Variants in AEBP2 observed in about 807,000 individuals in gnomAD.
The protein encoded by AEBP2 is zinc finger protein AEBP2.
In AEBP2, 10 loss-of-function variants were observed where a neutral mutation model predicts 50.8. The observed-to-expected ratio is 0.20, with a 90% CI of 0.12 to 0.33. The LOEUF (loss-of-function observed/expected upper bound fraction) is 0.33. AEBP2 is among the 10% of genes least tolerant of loss of function. The pLI is 1.00. For missense variants in AEBP2, 570 were observed against 688.0 expected, an observed-to-expected ratio of 0.83 and a Z score of 1.92; for synonymous variants, 296 against 261.3, an observed-to-expected ratio of 1.13 and a Z score of -1.28.
At chr12:19,411,718 G>A (rs1349929966) in intron 1 of AEBP2, among the ~76,000 whole-genome samples, 3 of 152,138 alleles carry the variant, frequency 2.0e-5, no homozygotes, top group Non-Finnish European at 4.4e-5. Context: ...ATCGCCCGAA[G>A]GAAACACATT....
At chr12:19,502,776 G>A (rs1264191282) in intron 5 of AEBP2, among the ~76,000 whole-genome samples, 8 of 151,842 alleles carry the variant, frequency 5.3e-5, no homozygotes. Context: ...AGCCTCCCAA[G>A]TAGCTGGGAT....
chr12:19,409,625 C>T (rs16915465), intron 1 of AEBP2, among the ~76,000 whole-genome samples: 2,055 of 152,264 alleles, frequency 0.013, 37 homozygotes, highest in African/African-American at 0.047. Context: ...TACTTTCTTA[C>T]TTCACATACA....
At position 19,445,520 on chromosome 12, in the gene AEBP2, C is replaced by CAGGT. The variant is rs1457720414; in HGVS notation, c.671+5152_671+5155dup. 4.6e-5 allele frequency among the ~76,000 whole-genome samples: 7 copies of CAGGT among 152,222 alleles called. No individual in the cohort carries two copies. The East Asian group carries it at 5.8e-4, about 13-fold the overall frequency. On this transcript the variant is annotated intron_variant, in intron 1 of 7. Coordinates refer to ENST00000266508, the MANE Select transcript of AEBP2 (RefSeq NM_153207.5). ...TGAGCCACCGTGCCCGGCCTCATGCCAGGTACTCTTCTAAATGCTGGGGAT... is the reference window on the plus strand; with the variant it reads ...TGAGCCACCGTGCCCGGCCTCATGCCAGGTAGGTACTCTTCTAAATGCTGGGGAT...
chr12:19,504,179 A>G (rs193189910), intron 5 of AEBP2, among the ~76,000 whole-genome samples: 1 of 151,842 alleles, frequency 6.6e-6, no homozygotes, highest in East Asian at 1.9e-4. Context: ...AATTTTTCAG[A>G]TAATGAAACT....
At chr12:19,510,211 G>C (rs1163858119) in intron 5 of AEBP2, among the ~76,000 whole-genome samples, 2 of 152,146 alleles carry the variant, frequency 1.3e-5, no homozygotes, top group South Asian at 2.1e-4. Flanking sequence ...AGACTGAATT[G>C]TCTACCATAT....
chr12:19,494,663 A>T (rs1948944367), intron 4 of AEBP2, among the ~76,000 whole-genome samples: 1 of 151,932 alleles, frequency 6.6e-6, no homozygotes, highest in Admixed American at 6.6e-5. Flanking sequence ...TACAGGTGTG[A>T]GCCACCACAC....
chr12:19,410,138 G>GT (rs1330796739), intron 1 of AEBP2, among the ~76,000 whole-genome samples: 1 of 152,046 alleles, frequency 6.6e-6, no homozygotes, highest in African/African-American at 2.4e-5. Flanking sequence ...TAGGGCCAGC[G>GT]CCCTAATCTT....
At chr12:19,434,939 G>T (rs993090712), upstream of AEBP2, among the ~76,000 whole-genome samples, 1 of 152,054 alleles carries the variant, frequency 6.6e-6, no homozygotes, top group African/African-American at 2.4e-5. Flanking sequence ...TTCGTTTGTG[G>T]CTTTGATACT....
At chr12:19,456,307 T>C in intron 1 of AEBP2, 8 of 1,493,832 alleles carry the variant, frequency 5.4e-6, no homozygotes, top group Non-Finnish European at 2.8e-6. Flanking sequence ...GCAGCCTTCT[T>C]GTTCACTGCT....
intron 3 of AEBP2, 49 bp from the exon 4 acceptor site, chr12:19,493,751 G>C: frequency 6.5e-7 from 1 of 1,538,788 alleles, no homozygotes; most frequent in Admixed American, 1.9e-5. Context: ...TATTCTTCTC[G>C]TGCCCTACAC....
intron 1 of AEBP2, among the ~76,000 whole-genome samples, chr12:19,453,573 G>A (rs1369749387): frequency 6.6e-6 from 1 of 151,712 alleles, no homozygotes; most frequent in Non-Finnish European, 1.5e-5. Flanking sequence ...ACAGGCACGC[G>A]ACACCATGCC....
At chr12:19,509,429 A>G (rs972836395) in intron 5 of AEBP2, among the ~76,000 whole-genome samples, 6 of 152,256 alleles carry the variant, frequency 3.9e-5, no homozygotes, top group East Asian at 3.9e-4. Flanking sequence ...TAATTCACAT[A>G]TATTTGTGAA....
chr12:19,426,749 CA>C (rs1273325536), intron 1 of AEBP2, among the ~76,000 whole-genome samples: 1 of 151,856 alleles, frequency 6.6e-6, no homozygotes, highest in Non-Finnish European at 1.5e-5. Context: ...ACTAAAAATA[CA>C]AAAATTAGCC....
intron 1 of AEBP2, among the ~76,000 whole-genome samples, chr12:19,430,278 A>T (rs2095750748): frequency 6.6e-6 from 1 of 152,140 alleles, no homozygotes; most frequent in Non-Finnish European, 1.5e-5. Flanking sequence ...CAAAGATCAG[A>T]TAGTTGTAGA....
chr12:19,447,971 C>G (rs1222193003), intron 1 of AEBP2, among the ~76,000 whole-genome samples: 3 of 152,170 alleles, frequency 2.0e-5, no homozygotes, highest in Non-Finnish European at 2.9e-5. Flanking sequence ...TAGACAAACT[C>G]GGAATATTGC....
chr12:19,456,378 G>T, intron 1 of AEBP2: 1 of 1,370,928 alleles, frequency 7.3e-7, no homozygotes, highest in African/African-American at 1.4e-5. Context: ...ACCCAGAGGT[G>T]GGTAGTCTGA....
At chr12:19,479,972 C>T (rs1948703565) in intron 3 of AEBP2, among the ~76,000 whole-genome samples, 1 of 151,942 alleles carries the variant, frequency 6.6e-6, no homozygotes, top group Admixed American at 6.6e-5. Flanking sequence ...AGGCCATTTA[C>T]ATTCGGTGTT....
chr12:19,500,702 G>A (rs1021978503), intron 5 of AEBP2, among the ~76,000 whole-genome samples: 1 of 152,132 alleles, frequency 6.6e-6, no homozygotes, highest in African/African-American at 2.4e-5. Context: ...GCTTCATGAA[G>A]GAAAGGATTT....
At chr12:19,501,097 A>G (rs1205410651) in intron 5 of AEBP2, among the ~76,000 whole-genome samples, 2 of 152,316 alleles carry the variant, frequency 1.3e-5, no homozygotes, top group Middle Eastern at 3.4e-3. Flanking sequence ...TGGGAGGCCT[A>G]GGCAGGTGGA....
Sources: allele counts gnomAD v4.1 joint callset (sites outside exome capture counted in the v4.1 genomes callset), GRCh38; gene constraint gnomAD v4.1.1; transcripts MANE v1.5; gene names NCBI Gene and HGNC (gene_info 2026-07-23, HGNC 2026-07-21).